Variants in GC observed in about 807,000 individuals in gnomAD.
GC encodes GC vitamin D binding protein.
In GC, 43 loss-of-function variants were observed where a neutral mutation model predicts 56.7. The observed-to-expected ratio is 0.76, with a 90% CI of 0.59 to 0.98. GC has a LOEUF of 0.98. Ranked by LOEUF, GC falls within the 50% of genes least tolerant of loss-of-function variation. The probability of loss-of-function intolerance (pLI) is 0.00; values close to 1 mark genes in which losing one functional copy is unlikely to be tolerated. For missense variants in GC, 529 were observed against 545.9 expected (o/e 0.97, Z 0.31); for synonymous variants, 216 against 202.7 (o/e 1.07, Z -0.56).
chr4:71,780,445 C>T (rs897980134), intron 1 of GC, among the ~76,000 whole-genome samples: 2 of 151,966 alleles, frequency 1.3e-5, no homozygotes, highest in Non-Finnish European at 2.9e-5. Context: ...GAGTGAACAG[C>T]AACCTACAGA....
upstream of GC, among the ~76,000 whole-genome samples, chr4:71,805,394 C>T (rs1743342099): frequency 6.6e-6 from 1 of 152,146 alleles, no homozygotes; most frequent in Non-Finnish European, 1.5e-5. Flanking sequence ...TCATAGGGGA[C>T]ACCAGCTGCT....
chr4:71,746,530 C>T (rs966361246), intron 11 of GC, among the ~76,000 whole-genome samples: 20 of 151,818 alleles, frequency 1.3e-4, no homozygotes, highest in African/African-American at 3.4e-4. Flanking sequence ...GAATTCTCAG[C>T]GGAGCAGATG....
At chr4:71,803,952 A>T in exon 1 of GC, 2 of 1,498,292 alleles carry the variant, frequency 1.3e-6, no homozygotes, top group South Asian at 1.2e-5. Flanking sequence ...AGCATTTCCT[A>T]CCAGTTGGAC....
chr4:71,785,539 G>T (rs1261026511), upstream of GC, among the ~76,000 whole-genome samples: 3 of 151,708 alleles, frequency 2.0e-5, no homozygotes, highest in Non-Finnish European at 4.4e-5. Flanking sequence ...GTTAGGTTCA[G>T]AAAATAGAGT....
intron 6 of GC, among the ~76,000 whole-genome samples, chr4:71,759,894 A>G (rs1230022429): frequency 1.3e-5 from 2 of 152,316 alleles, no homozygotes; most frequent in East Asian, 3.9e-4. Flanking sequence ...TATAAGTAAT[A>G]TATATGGTGG....
intron 6 of GC, among the ~76,000 whole-genome samples, chr4:71,763,157 A>G (rs149350794): frequency 9.2e-4 from 140 of 152,278 alleles, no homozygotes; most frequent in African/African-American, 2.8e-3. Flanking sequence ...AATATTTTCT[A>G]GTGGTCAACT....
rs559533847 is a variant in GC, at chr4:71,750,035, T to TAAAAC, written c.1395+2478_1395+2482dup. 2.6e-5 allele frequency among the ~76,000 whole-genome samples: 4 copies of TAAAAC among 151,980 alleles called. No individual in the cohort carries two copies. In the East Asian group the frequency reaches 7.7e-4, roughly 29 times the overall value. ...TTTTCTTAGGCACTGTACAATAAAATAAAACAAAACAAAACATAACAAAAC... is the reference window on the plus strand; with the variant it reads ...TTTTCTTAGGCACTGTACAATAAAATAAAACAAAACAAAACAAAACATAACAAAAC... On this transcript the variant is annotated intron_variant, in intron 11 of 12. Transcript: ENST00000273951.
intron 1 of GC, among the ~76,000 whole-genome samples, chr4:71,794,435 TA>T (rs1743043179): frequency 6.6e-6 from 1 of 152,222 alleles, no homozygotes; most frequent in Admixed American, 6.5e-5. Context: ...TTTTCTAGTT[TA>T]TTTGCATAGA....
At position 71,763,391 on chromosome 4, in the gene GC, T is replaced by A. The variant is rs1742047651; in HGVS notation, c.701+17A>T. The A allele has an allele frequency of 7.5e-7, 1 of 1,337,476 alleles. No individual in the cohort carries two copies. Among genetic ancestry groups the A allele is most frequent in the African/African-American group, 1.4e-5 (1 of 69,538 alleles). 82.9% of individuals were successfully genotyped at this position (1,337,476 alleles called of 1,614,324 possible). A position where few individuals can be genotyped will look rare whatever the true frequency, so the allele number is the denominator to read the frequency against. On this transcript the variant is annotated intron_variant, in intron 6 of 12. Transcript: ENST00000273951. ...AGAACCAAACATCTAAATATGACAA[T>A]AGCACTTAATCTTTACCTGAGCCTT...
intron 1 of GC, among the ~76,000 whole-genome samples, chr4:71,779,705 T>C (rs1039632134): frequency 6.6e-6 from 1 of 151,910 alleles, no homozygotes; most frequent in Non-Finnish European, 1.5e-5. Context: ...TTACAGAGTG[T>C]GCACACTTCT....
chr4:71,802,378 T>G (rs1259981101), intron 1 of GC, among the ~76,000 whole-genome samples: 3 of 152,192 alleles, frequency 2.0e-5, no homozygotes, highest in Non-Finnish European at 4.4e-5. Context: ...CACAGAGATA[T>G]GTCCGAACTG....
At chr4:71,786,466 G>A (rs1257207335), upstream of GC, among the ~76,000 whole-genome samples, 1 of 151,754 alleles carries the variant, frequency 6.6e-6, no homozygotes, top group African/African-American at 2.4e-5. Flanking sequence ...AACTAGAAAT[G>A]TATCACTGAA....
At chr4:71,764,174 G>T (rs1742081789) in intron 4 of GC, among the ~76,000 whole-genome samples, 1 of 151,922 alleles carries the variant, frequency 6.6e-6, no homozygotes. Context: ...TATAAATTAG[G>T]TCTCACTAAT....
chr4:71,769,564 C>G, intron 1 of GC, 164 bp from the exon 2 acceptor site: 1 of 562,842 alleles, frequency 1.8e-6, no homozygotes, highest in East Asian at 3.0e-5. Context: ...GCTCTTCTCT[C>G]ATAACAGGCC....
intron 11 of GC, among the ~76,000 whole-genome samples, chr4:71,751,962 G>A (rs968509807): frequency 6.6e-6 from 1 of 151,530 alleles, no homozygotes; most frequent in Non-Finnish European, 1.5e-5. Flanking sequence ...TTTTTCTTAT[G>A]TCATATTAAA....
chr4:71,758,050 C>G lies in GC; in HGVS notation c.823G>C (p.Ala275Pro). The G allele has an allele frequency of 6.2e-7, 1 of 1,612,914 alleles. No homozygotes were observed. Among genetic ancestry groups the G allele is most frequent in the South Asian group, 1.1e-5 (1 of 90,956 alleles). Reference sequence around the variant, plus strand: ...AATAAAGCTTGTCTTACCTCTTTGGCCATGCAATCTTCAGAGGCAGACTCA... The same window carrying G: ...AATAAAGCTTGTCTTACCTCTTTGGGCATGCAATCTTCAGAGGCAGACTCA... The part of the protein sequence containing the change: ...CCESASEDCM[A>P]KELPEHTVKL... Residue 275 changes from alanine to proline, a missense_variant, in exon 7 of 13, where the codon GCC becomes CCC. Coordinates refer to ENST00000273951, the MANE Select transcript of GC (RefSeq NM_000583.4).
At chr4:71,786,408 G>T (rs575311644), upstream of GC, among the ~76,000 whole-genome samples, 2 of 151,878 alleles carry the variant, frequency 1.3e-5, no homozygotes, top group South Asian at 4.1e-4. Flanking sequence ...GGGTGAAAAA[G>T]ACCAAATCAA....
At chr4:71,760,949 T>C (rs1741951869) in intron 6 of GC, among the ~76,000 whole-genome samples, 1 of 152,210 alleles carries the variant, frequency 6.6e-6, no homozygotes, top group South Asian at 2.1e-4. Context: ...AGGTATGTCT[T>C]TATCAGCAGC....
chr4:71,776,362 TG>T, intron 1 of GC, among the ~76,000 whole-genome samples: 1 of 152,000 alleles, frequency 6.6e-6, no homozygotes, highest in Non-Finnish European at 1.5e-5. Context: ...TGTGACAACA[TG>T]GATGACCCTG....
Sources: gnomAD v4.1 joint callset for allele counts (sites outside exome capture counted in the v4.1 genomes callset) on GRCh38, gnomAD v4.1.1 for gene constraint, MANE v1.5 for transcripts, NCBI Gene and HGNC (gene_info 2026-07-23, HGNC 2026-07-21) for gene names.